Variants in LHX6 observed in about 807,000 individuals in gnomAD.
LHX6 encodes the protein LIM/homeobox protein Lhx6.
LHX6 carries 15 observed loss-of-function variants against 47.1 expected under a neutral mutation model. The ratio of observed to expected loss-of-function variants is 0.32; its 90% CI spans 0.21 to 0.49. The LOEUF is 0.49. Ranked by LOEUF, LHX6 falls within the 20% of genes least tolerant of loss-of-function variation. The pLI is 0.99. For synonymous variants in LHX6, 242 were observed against 233.5 expected (o/e 1.04, Z -0.33); for missense variants, 404 against 539.6 (o/e 0.75, Z 2.49).
In LHX6 at chr9:122,226,067, G is replaced by C. The variant is rs1403965582; in HGVS notation, c.461+309C>G. On this transcript the variant is annotated intron_variant, in intron 4 of 9. Coordinates refer to ENST00000394319, the MANE Select transcript of LHX6 (RefSeq NM_014368.5). The surrounding 1 kb of genome is among the most constrained non-coding windows in gnomAD (Gnocchi z 6.5). ...GGGGACCTCAGAGCTCCACCGAGGC[G>C]CTCGAGGTCAGAACTGAAGCCTGAG... 6.6e-6 allele frequency among the ~76,000 whole-genome samples: 1 copy of C among 152,214 alleles called. No homozygotes were observed. The highest frequency in any genetic ancestry group is 2.4e-5 in the African/African-American group (1 of 41,454).
In LHX6 at chr9:122,226,302, G is replaced by T. The variant is rs2274749; in HGVS notation, c.461+74C>A. ...CGGGGTTCTGGAGGAGAGACCACAC[G>T]CCGCAAAAGTGGCCTCCGAATGCGC... On this transcript the variant is annotated intron_variant, in intron 4 of 9. Transcript: ENST00000394319. The surrounding 1 kb of genome is among the most constrained non-coding windows in gnomAD (Gnocchi z 6.5). The T allele has an allele frequency of 3.3e-5, 50 of 1,530,988 alleles. No homozygotes were observed. The East Asian group carries it at 4.6e-4, about 14-fold the overall frequency. The allele number at this position is 1,530,988 out of a possible 1,614,324, so 94.8% of individuals were successfully genotyped here.
intron 9 of LHX6, 38 bp from the exon 10 acceptor site, chr9:122,204,818 GCCTGCCCCACCCT>G: frequency 6.8e-7 from 1 of 1,474,846 alleles, no homozygotes; most frequent in South Asian, 1.3e-5. Flanking sequence ...TGAGCTGGGG[GCCTGCCCCACCCT>G]GCTGCCCCCC....
At chr9:122,215,929 G>T (rs528620266) in intron 5 of LHX6, among the ~76,000 whole-genome samples, 118 of 152,160 alleles carry the variant, frequency 7.8e-4, no homozygotes, top group Non-Finnish European at 1.1e-3. Context: ...AAGCAGGCAG[G>T]GCAAGGATTG....
At chr9:122,221,221 A>AG (rs1487946493) in intron 4 of LHX6, 2 of 982,630 alleles carry the variant, frequency 2.0e-6, no homozygotes, top group African/African-American at 3.6e-5. Flanking sequence ...AAGAAGCCAG[A>AG]GGGGGAAAAA....
At chr9:122,221,246 C>A (rs1830842502) in intron 4 of LHX6, 4 of 984,642 alleles carry the variant, frequency 4.1e-6, no homozygotes, top group Non-Finnish European at 4.8e-6. Context: ...CCAGAACCAG[C>A]AATTAAGAGG....
At chr9:122,221,782 CTT>C (rs2118894977) in intron 4 of LHX6, 16 of 964,980 alleles carry the variant, frequency 1.7e-5, no homozygotes, top group Non-Finnish European at 2.0e-5. Context: ...GGCAGGGACT[CTT>C]TGGATCAGCA....
intron 2 of LHX6, 84 bp downstream of exon 2, chr9:122,227,325 G>T: frequency 7.6e-7 from 1 of 1,309,828 alleles, no homozygotes; most frequent in Non-Finnish European, 1.0e-6. Context: ...GTGAGCAGCA[G>T]TTCGTGGCCG....
chr9:122,222,035 T>C (rs993302196), intron 4 of LHX6, among the ~76,000 whole-genome samples: 2 of 152,190 alleles, frequency 1.3e-5, no homozygotes, highest in African/African-American at 4.8e-5. Context: ...TTAAATGAGA[T>C]AAAGCAGGTA....
chr9:122,207,936 C>T (rs1260195755), intron 9 of LHX6, among the ~76,000 whole-genome samples: 1 of 152,150 alleles, frequency 6.6e-6, no homozygotes, highest in Non-Finnish European at 1.5e-5. Flanking sequence ...CACACCAAGA[C>T]CGGGATCTGC....
In LHX6 at chr9:122,207,935, A is replaced by G. The variant is rs529272532; in HGVS notation, c.1158+1679T>C. Among the ~76,000 whole-genome samples the G allele has an allele frequency of 9.2e-5, 14 of 152,174 alleles. No homozygotes were observed. The South Asian group carries it at 2.9e-3, about 32-fold the overall frequency. On this transcript the variant is annotated intron_variant, in intron 9 of 9. Transcript: ENST00000394319. ...CCCAGGTGATTCCGAGCACACCAAG[A>G]CCGGGATCTGCTGAACTGGAGGGCT...
At chr9:122,212,099 T>C (rs371459466) in intron 8 of LHX6, among the ~76,000 whole-genome samples, 5 of 152,240 alleles carry the variant, frequency 3.3e-5, no homozygotes, top group East Asian at 1.9e-4. Context: ...AGCCAATACT[T>C]ATGCGGCACT....
intron 1 of LHX6, chr9:122,227,764 G>C: frequency 2.1e-6 from 1 of 485,596 alleles, no homozygotes; most frequent in South Asian, 4.6e-5. Context: ...GCCTCTGAGG[G>C]GGGAAGAAAA....
At chr9:122,224,064 G>C (rs983184080) in intron 4 of LHX6, among the ~76,000 whole-genome samples, 2 of 152,080 alleles carry the variant, frequency 1.3e-5, no homozygotes, top group African/African-American at 4.8e-5. Context: ...GTCTCTCTCT[G>C]TTACCCAGGC....
At chr9:122,218,874 C>T (rs1239617628) in intron 4 of LHX6, among the ~76,000 whole-genome samples, 1 of 152,112 alleles carries the variant, frequency 6.6e-6, no homozygotes. Context: ...CTGACCTACC[C>T]TCCCCCAGAG....
chr9:122,209,416 G>A (rs78737454), intron 9 of LHX6, among the ~76,000 whole-genome samples, 198 bp downstream of exon 9: 6,881 of 152,342 alleles, frequency 0.045, 487 homozygotes, highest in African/African-American at 0.15. Flanking sequence ...GGCCTTCGGA[G>A]TGGCCATGCA....
At chr9:122,223,656 G>A (rs1830970045) in intron 4 of LHX6, among the ~76,000 whole-genome samples, 1 of 152,154 alleles carries the variant, frequency 6.6e-6, no homozygotes, top group Non-Finnish European at 1.5e-5. Flanking sequence ...TCTTCCCACA[G>A]TGGCTGCACA....
intron 1 of LHX6, 101 bp from the exon 2 acceptor site, chr9:122,227,581 C>T: frequency 7.1e-7 from 1 of 1,404,940 alleles, no homozygotes; most frequent in Non-Finnish European, 9.2e-7. Context: ...TAAACCGGCG[C>T]CGAACAATGA....
chr9:122,228,682 G>A lies in LHX6; in HGVS notation c.59C>T (p.Ala20Val). The change falls in exon 1 of 10, where the codon GCC becomes GTC. Residue 20 changes from alanine (A) to valine (V), a missense_variant. Physicochemically the swap from Ala to Val is moderately conservative, Grantham distance 64. Around this residue, in one of 7 missense-constraint regions of LHX6, gnomAD observed 144 missense variants for 128.7 expected, o/e 1.12. Coordinates refer to ENST00000394319, the MANE Select transcript of LHX6 (RefSeq NM_014368.5). ...CTGGTCGGTGGCGGGGCCGCCCTCG[G>A]CCGGCAGCCGGCAGCCCTCGGGCAA... Reference protein sequence around the residue: ...PALPEGCRLPAEGGPATDQVM... With the variant: ...PALPEGCRLPVEGGPATDQVM... 7.8e-7 allele frequency: 1 copy of A among 1,288,594 alleles called. No individual in the cohort carries two copies. The highest frequency in any genetic ancestry group is 9.8e-7 in the Non-Finnish European group (1 of 1,018,720). 79.8% of individuals were successfully genotyped at this position (1,288,594 alleles called of 1,614,324 possible).
intron 4 of LHX6, among the ~76,000 whole-genome samples, chr9:122,223,714 G>A (rs1345484872): frequency 6.6e-6 from 1 of 152,104 alleles, no homozygotes; most frequent in African/African-American, 2.4e-5. Flanking sequence ...CAGAATAAGG[G>A]GAGGCTCTGA....
Sources: gnomAD v4.1 joint callset for allele counts (sites outside exome capture counted in the v4.1 genomes callset) on GRCh38, gnomAD v4.1.1 for gene constraint, gnomAD v4.1.1 regional missense constraint, Gnocchi (gnomAD v3.1) non-coding constraint, MANE v1.5 for transcripts, NCBI Gene and HGNC (gene_info 2026-07-23, HGNC 2026-07-21) for gene names.